Variants in PACRG observed in about 807,000 individuals in gnomAD.
The protein encoded by PACRG is parkin coregulated.
A neutral mutation model predicts 29.7 loss-of-function variants in PACRG; 29 were observed. The observed-to-expected ratio is 0.98, with a 90% CI of 0.73 to 1.33. The LOEUF (loss-of-function observed/expected upper bound fraction) is 1.33. PACRG is among the 40% of genes most tolerant of loss of function. The probability of loss-of-function intolerance (pLI) is 0.00; values close to 1 mark genes in which losing one functional copy is unlikely to be tolerated. For synonymous variants in PACRG, 116 were observed against 118.7 expected (o/e 0.98, Z 0.15); for missense variants, 279 against 316.2 (o/e 0.88, Z 0.89).
chr6:163,169,967 C>T (rs931355382), intron 4 of PACRG, among the ~76,000 whole-genome samples: 36 of 152,164 alleles, frequency 2.4e-4, no homozygotes, highest in Non-Finnish European at 7.3e-5. Flanking sequence ...GTCGTCCCTC[C>T]GTCTGTGTGT....
At chr6:162,817,693 G>C (rs183360687) in intron 2 of PACRG, among the ~76,000 whole-genome samples, 24 of 152,174 alleles carry the variant, frequency 1.6e-4, no homozygotes, top group Non-Finnish European at 3.1e-4. Flanking sequence ...AAATAGCCAC[G>C]TGGTTACCAT....
intron 2 of PACRG, among the ~76,000 whole-genome samples, chr6:163,059,345 C>A (rs780075388): frequency 6.6e-6 from 1 of 151,992 alleles, no homozygotes; most frequent in Non-Finnish European, 1.5e-5. Flanking sequence ...TGTTTGAAGG[C>A]ACATTATAAA....
At chr6:163,172,708 C>T (rs1013058968) in intron 4 of PACRG, among the ~76,000 whole-genome samples, 1 of 152,206 alleles carries the variant, frequency 6.6e-6, no homozygotes, top group East Asian at 1.9e-4. Context: ...ACTGTGCGGT[C>T]TCCAGAAAGT....
Position 162,966,672 on chromosome 6 carries a change from T to G in PACRG, c.292-95478T>G, listed in dbSNP as rs189851143. On this transcript the variant is annotated intron_variant, in intron 2 of 4. Transcript: ENST00000366888. ...TTTGTATTTTTAGTAGAGACGAGGT[T>G]TCACCGTGTTAGCCAGGATGGTCTC... Among the ~76,000 whole-genome samples the G allele has an allele frequency of 5.6e-3, 858 of 152,112 alleles. 12 individuals carry two copies. Among genetic ancestry groups the G allele is most frequent in the African/African-American group, 0.02 (821 of 41,486 alleles).
At chr6:163,115,280 C>G (rs1412151006) in intron 4 of PACRG, among the ~76,000 whole-genome samples, 2 of 152,080 alleles carry the variant, frequency 1.3e-5, no homozygotes, top group South Asian at 2.1e-4. Flanking sequence ...GAGGGGATGA[C>G]TCGCTTTATC....
At chr6:162,967,511 T>C (rs924260332) in intron 2 of PACRG, among the ~76,000 whole-genome samples, 11 of 147,384 alleles carry the variant, frequency 7.5e-5, no homozygotes, top group Admixed American at 2.0e-4. Flanking sequence ...AACTTTCTCT[T>C]TTTTTTTTTT....
At chr6:163,293,427 G>A (rs1178178483) in intron 4 of PACRG, among the ~76,000 whole-genome samples, 2 of 152,202 alleles carry the variant, frequency 1.3e-5, no homozygotes, top group African/African-American at 2.4e-5. Context: ...GCAATACAAC[G>A]GAGTGAAGCC....
intron 2 of PACRG, among the ~76,000 whole-genome samples, chr6:162,861,689 G>A (rs771304834): frequency 6.6e-6 from 1 of 152,058 alleles, no homozygotes; most frequent in East Asian, 1.9e-4. Flanking sequence ...TATTTCCATC[G>A]CATCGTGGAG....
chr6:163,255,667 T>G (rs1447827017), intron 4 of PACRG, among the ~76,000 whole-genome samples: 1 of 152,092 alleles, frequency 6.6e-6, no homozygotes, highest in Non-Finnish European at 1.5e-5. Context: ...GACAGAGCCT[T>G]GCTCTGTCAC....
At chr6:163,029,181 A>G (rs1807425619) in intron 2 of PACRG, among the ~76,000 whole-genome samples, 1 of 152,168 alleles carries the variant, frequency 6.6e-6, no homozygotes, top group Admixed American at 6.5e-5. Flanking sequence ...GGAGGCCGAA[A>G]AGATAAGGAG....
At chr6:163,158,782 C>T (rs531979023) in intron 4 of PACRG, among the ~76,000 whole-genome samples, 1 of 152,162 alleles carries the variant, frequency 6.6e-6, no homozygotes, top group Non-Finnish European at 1.5e-5. Flanking sequence ...GCAGCAGGCA[C>T]AGGGCTTTGG....
chr6:162,943,070 C>A (rs1798741437), intron 2 of PACRG, among the ~76,000 whole-genome samples: 1 of 152,176 alleles, frequency 6.6e-6, no homozygotes, highest in Admixed American at 6.5e-5. Flanking sequence ...TGGACTTCTG[C>A]AATCCTAGTG....
At chr6:163,304,015 C>CAAAAAAAAAAAAAA (rs59861286) in intron 4 of PACRG, among the ~76,000 whole-genome samples, 39 of 76,248 alleles carry the variant, frequency 5.1e-4, no homozygotes, top group Middle Eastern at 0.011. Context: ...GACTCCATTT[C>CAAAAAAAAAAAAAA]AAAAAAAAAA....
At chr6:162,756,921 A>C (rs1228392787) in intron 1 of PACRG, among the ~76,000 whole-genome samples, 1 of 152,126 alleles carries the variant, frequency 6.6e-6, no homozygotes, top group Non-Finnish European at 1.5e-5. Flanking sequence ...AAACTCTAAA[A>C]CACTCTTTAC....
chr6:162,822,816 T>G (rs1340395413), intron 2 of PACRG, among the ~76,000 whole-genome samples: 1 of 152,166 alleles, frequency 6.6e-6, no homozygotes, highest in Admixed American at 6.5e-5. Flanking sequence ...CATATCTCTT[T>G]AGAAGATAAC....
At chr6:162,947,451 C>CAT (rs1310525330) in intron 2 of PACRG, among the ~76,000 whole-genome samples, 6 of 26,474 alleles carry the variant, frequency 2.3e-4, no homozygotes, top group East Asian at 1.1e-3. Flanking sequence ...TATATATAAT[C>CAT]ATATATATAA....
At chr6:163,308,284 T>C (rs898279273) in intron 4 of PACRG, among the ~76,000 whole-genome samples, 1 of 152,218 alleles carries the variant, frequency 6.6e-6, no homozygotes, top group Non-Finnish European at 1.5e-5. Flanking sequence ...AAATTGACAT[T>C]TCTGCTTAAA....
At chr6:162,882,251 A>C (rs1405482503) in intron 2 of PACRG, among the ~76,000 whole-genome samples, 2 of 132,680 alleles carry the variant, frequency 1.5e-5, no homozygotes, top group African/African-American at 5.8e-5. Context: ...AAGAATACAG[A>C]TCCAGGGGGC....
intron 1 of PACRG, among the ~76,000 whole-genome samples, chr6:162,791,651 T>A (rs1190079213): frequency 6.6e-6 from 1 of 152,188 alleles, no homozygotes; most frequent in Non-Finnish European, 1.5e-5. Flanking sequence ...CCTTTCCATT[T>A]GTACTAGCTC....
Sources: gnomAD v4.1 joint callset for allele counts (sites outside exome capture counted in the v4.1 genomes callset) on GRCh38, gnomAD v4.1.1 for gene constraint, MANE v1.5 for transcripts, NCBI Gene and HGNC (gene_info 2026-07-23, HGNC 2026-07-21) for gene names.